MIR2052HG: variants seen among roughly 807,000 people sequenced by gnomAD.
MIR2052HG encodes MIR2052 host gene.
At chr8:74,706,289 G>A (rs1009227585) in intron 4 of MIR2052HG, among the ~76,000 whole-genome samples, 1 of 152,056 alleles carries the variant, frequency 6.6e-6, no homozygotes, top group Non-Finnish European at 1.5e-5. Context: ...ATTAGCAGTG[G>A]CATTGCCAAG....
intron 4 of MIR2052HG, among the ~76,000 whole-genome samples, chr8:74,718,279 G>A (rs1809540449): frequency 6.6e-6 from 1 of 151,898 alleles, no homozygotes; most frequent in Admixed American, 6.6e-5. Flanking sequence ...TGGTAAGAAT[G>A]GCTCAAAAGA....
At chr8:74,662,537 T>C (rs1808876574) in intron 2 of MIR2052HG, among the ~76,000 whole-genome samples, 1 of 152,134 alleles carries the variant, frequency 6.6e-6, no homozygotes, top group Non-Finnish European at 1.5e-5. Flanking sequence ...TATACATATG[T>C]AACAAACCTG....
In MIR2052HG at chr8:74,621,397, C is replaced by G. The variant is rs148887444; in HGVS notation, n.216+8457C>G. Among the ~76,000 whole-genome samples the G allele has an allele frequency of 2.3e-3, 352 of 152,288 alleles. 2 individuals carry two copies. The highest frequency in any genetic ancestry group is 7.7e-3 in the African/African-American group (320 of 41,546). On this transcript the variant is annotated intron_variant and non_coding_transcript_variant, in intron 2 of 6. Transcript: ENST00000523442. ...TTTACTATATTAGTCTGTTCTCACACTGCTATGAAAAAATACCTGAGACTG... is the reference window on the plus strand; with the variant it reads ...TTTACTATATTAGTCTGTTCTCACAGTGCTATGAAAAAATACCTGAGACTG...
intron 4 of MIR2052HG, among the ~76,000 whole-genome samples, chr8:74,706,131 G>A (rs765439627): frequency 1.3e-5 from 2 of 152,068 alleles, no homozygotes; most frequent in Admixed American, 6.6e-5. Context: ...ATTGTCTGGC[G>A]TCAGAGCCAG....
At chr8:74,713,435 G>A (rs575293532) in intron 4 of MIR2052HG, among the ~76,000 whole-genome samples, 16 of 152,064 alleles carry the variant, frequency 1.1e-4, no homozygotes, top group East Asian at 5.8e-4. Context: ...TTCAAAATCC[G>A]CACCTTTTTT....
chr8:74,599,895 A>C (rs1427739196), exon 1 of MIR2052HG: 4 of 165,206 alleles, frequency 2.4e-5, no homozygotes, highest in Non-Finnish European at 5.1e-5. Flanking sequence ...TGGGCGTAGG[A>C]CCCTCCGAGC....
chr8:74,733,016 A>G (rs1809709078), intron 4 of MIR2052HG, among the ~76,000 whole-genome samples: 1 of 152,106 alleles, frequency 6.6e-6, no homozygotes, highest in South Asian at 2.1e-4. Flanking sequence ...GCTGTTGTGG[A>G]GAATAGAACC....
intron 2 of MIR2052HG, among the ~76,000 whole-genome samples, chr8:74,681,142 A>G (rs1451458686): frequency 6.6e-6 from 1 of 151,580 alleles, no homozygotes; most frequent in Non-Finnish European, 1.5e-5. Flanking sequence ...GCAGCGCACC[A>G]GCATGGCACA....
chr8:74,738,477 T>G (rs1809793964), intron 4 of MIR2052HG, among the ~76,000 whole-genome samples: 1 of 152,222 alleles, frequency 6.6e-6, no homozygotes, highest in Non-Finnish European at 1.5e-5. Flanking sequence ...TCCAAATACC[T>G]GGTGGCTCTT....
intron 5 of MIR2052HG, among the ~76,000 whole-genome samples, chr8:74,755,922 G>T (rs538680631): frequency 1.3e-5 from 2 of 152,210 alleles, no homozygotes; most frequent in East Asian, 3.9e-4. Context: ...TTGCAATTCA[G>T]TCCTGGAACT....
intron 2 of MIR2052HG, among the ~76,000 whole-genome samples, chr8:74,681,687 C>T (rs1426015401): frequency 6.6e-6 from 1 of 152,072 alleles, no homozygotes; most frequent in Non-Finnish European, 1.5e-5. Context: ...GTTTGGCCCC[C>T]GTTTGCTCTC....
intron 2 of MIR2052HG, among the ~76,000 whole-genome samples, chr8:74,615,764 C>T (rs573891756): frequency 5.1e-4 from 77 of 152,034 alleles, no homozygotes; most frequent in African/African-American, 1.8e-3. Flanking sequence ...TTCCCCACTC[C>T]CCCCACCCCA....
chr8:74,603,038 C>A (rs1808046242), intron 1 of MIR2052HG, among the ~76,000 whole-genome samples: 7 of 71,768 alleles, frequency 9.8e-5, no homozygotes, highest in Admixed American at 1.3e-4. Context: ...AAACAAAACA[C>A]CAAAAAAAAA....
At chr8:74,723,528 T>A (rs1486149249) in intron 4 of MIR2052HG, among the ~76,000 whole-genome samples, 3 of 133,894 alleles carry the variant, frequency 2.2e-5, no homozygotes, top group Non-Finnish European at 5.2e-5. Flanking sequence ...TTCATCCTTA[T>A]TTTTTTTTTT....
intron 2 of MIR2052HG, among the ~76,000 whole-genome samples, chr8:74,674,199 G>GGTTTCTGT (rs1220326540): frequency 8.0e-5 from 12 of 150,176 alleles, no homozygotes; most frequent in Non-Finnish European, 8.9e-5. Context: ...AGTAGGATTT[G>GGTTTCTGT]GTTTCTGTGC....
chr8:74,610,367 A>C (rs7824069), intron 1 of MIR2052HG, among the ~76,000 whole-genome samples: 108,952 of 151,712 alleles, frequency 0.72, 39,662 homozygotes, highest in African/African-American at 0.85. Flanking sequence ...CTGAGAAAAA[A>C]TTTTTAAAAC....
intron 2 of MIR2052HG, among the ~76,000 whole-genome samples, chr8:74,615,922 C>G (rs191320603): frequency 3.3e-5 from 5 of 152,232 alleles, no homozygotes; most frequent in African/African-American, 1.2e-4. Context: ...TCATCCATGT[C>G]CCTACAAAGG....
intron 2 of MIR2052HG, among the ~76,000 whole-genome samples, chr8:74,621,976 T>G (rs1197375741): frequency 6.6e-6 from 1 of 152,182 alleles, no homozygotes; most frequent in East Asian, 1.9e-4. Context: ...AAAAGCTCTT[T>G]GACACTGGTC....
intron 2 of MIR2052HG, among the ~76,000 whole-genome samples, chr8:74,622,991 T>C (rs112296192): frequency 5.9e-4 from 90 of 152,298 alleles, no homozygotes; most frequent in African/African-American, 2.1e-3. Flanking sequence ...ACAAGGAGAC[T>C]GAGGGCAGGG....
Sources: allele counts gnomAD v4.1 joint callset (sites outside exome capture counted in the v4.1 genomes callset), GRCh38; gene constraint gnomAD v4.1.1; transcripts MANE v1.5; gene names NCBI Gene and HGNC (gene_info 2026-07-23, HGNC 2026-07-21).